FRMD4A: variants seen among roughly 807,000 people sequenced by gnomAD.
The protein encoded by FRMD4A is FERM domain containing 4A.
In FRMD4A, 29 loss-of-function variants were observed where a neutral mutation model predicts 129.1. That is an observed-to-expected ratio of 0.22 (90% CI 0.17 to 0.31). The LOEUF is 0.31. FRMD4A is among the 10% of genes least tolerant of loss of function. FRMD4A has a pLI of 1.00. For missense variants in FRMD4A, 1,272 were observed against 1,375.8 expected (o/e 0.92, Z 1.19); for synonymous variants, 634 against 571.6 (o/e 1.11, Z -1.56).
intron 2 of FRMD4A, among the ~76,000 whole-genome samples, chr10:14,087,209 A>G (rs1836333732): frequency 6.8e-6 from 1 of 147,988 alleles, no homozygotes; most frequent in East Asian, 1.9e-4. Flanking sequence ...TTATACACTT[A>G]TAGGATTATA....
intron 3 of FRMD4A, among the ~76,000 whole-genome samples, chr10:13,813,475 C>T (rs1485169639): frequency 2.0e-5 from 3 of 152,116 alleles, no homozygotes; most frequent in Non-Finnish European, 4.4e-5. Context: ...TACATATGCT[C>T]CTCGAATTAT....
intron 2 of FRMD4A, among the ~76,000 whole-genome samples, chr10:13,962,632 C>A (rs1375670620): frequency 3.3e-5 from 5 of 152,142 alleles, no homozygotes; most frequent in African/African-American, 1.2e-4. Flanking sequence ...TTAAGTAAAA[C>A]CCTGGCTGTT....
chr10:13,927,563 G>A (rs142839816), intron 2 of FRMD4A, among the ~76,000 whole-genome samples: 111 of 152,308 alleles, frequency 7.3e-4, no homozygotes, highest in South Asian at 2.9e-3. Flanking sequence ...GGAGCTGGGA[G>A]ATAATTTTAA....
intron 2 of FRMD4A, among the ~76,000 whole-genome samples, chr10:14,227,243 C>CTTTTTTTTTTTTTTTTTCTTTTTTTTTT (rs1843472907): frequency 1.6e-5 from 1 of 64,100 alleles, no homozygotes; most frequent in African/African-American, 6.2e-5. Context: ...TCTTCTTCTT[C>CTTTTTTTTTTTTTTTTTCTTTTTTTTTT]TTTTTTTTTT....
chr10:13,680,252 T>G (rs1183665803), intron 15 of FRMD4A, among the ~76,000 whole-genome samples: 1 of 147,862 alleles, frequency 6.8e-6, no homozygotes. Flanking sequence ...AAGCCAGGAG[T>G]ATGAGACCAG....
rs1272624549 is a variant in FRMD4A, at chr10:14,008,585, T to G, written c.46-149673A>C. On this transcript the variant is annotated intron_variant, in intron 2 of 24. Coordinates refer to ENST00000357447, the MANE Select transcript of FRMD4A (RefSeq NM_018027.5). ...AAGCTCTATCAGACGTATTATTCAT[T>G]CCATCACGTGACTCCCAAGCCCCTC... 4 of 847,484 alleles carry G rather than the reference T, an allele frequency of 4.7e-6. No individual in the cohort carries two copies. In the South Asian group the frequency reaches 1.6e-4, roughly 34 times the overall value. The allele number at this position is 847,484 out of a possible 1,614,324, so 52.5% of individuals were successfully genotyped here.
At chr10:14,007,007 AT>A (rs2095664565) in intron 2 of FRMD4A, among the ~76,000 whole-genome samples, 1 of 152,186 alleles carries the variant, frequency 6.6e-6, no homozygotes, top group East Asian at 1.9e-4. Flanking sequence ...CGACCTAAGT[AT>A]TTAGTTAGCC....
chr10:13,822,797 C>T (rs2093648931), intron 3 of FRMD4A, among the ~76,000 whole-genome samples: 1 of 152,112 alleles, frequency 6.6e-6, no homozygotes, highest in Non-Finnish European at 1.5e-5. Context: ...TATTCCCAAA[C>T]CCTATATCTG....
intron 2 of FRMD4A, among the ~76,000 whole-genome samples, chr10:13,982,004 C>A (rs1405816732): frequency 1.3e-5 from 2 of 152,270 alleles, no homozygotes; most frequent in African/African-American, 4.8e-5. Context: ...CTGACCTTTT[C>A]CCATCTCTGA....
At chr10:13,893,999 C>T (rs2094730093) in intron 2 of FRMD4A, among the ~76,000 whole-genome samples, 1 of 152,168 alleles carries the variant, frequency 6.6e-6, no homozygotes, top group Non-Finnish European at 1.5e-5. Context: ...CTCCCTCCTC[C>T]TCCCCAAAGC....
intron 17 of FRMD4A, among the ~76,000 whole-genome samples, chr10:13,668,900 C>T (rs1193670292): frequency 6.6e-6 from 1 of 152,086 alleles, no homozygotes; most frequent in Non-Finnish European, 1.5e-5. Flanking sequence ...TTTGAGACTG[C>T]ATCTCCCCTA....
chr10:13,739,278 TGCCTCTGGGAA>T lies in FRMD4A; in HGVS notation c.672+905_672+915del, dbSNP rs564305728. On this transcript the variant is annotated intron_variant, in intron 11 of 24. Transcript: ENST00000357447. ...GGATAAAATCCTTGTATTAAACCCCTGCCTCTGGGAAGCAGCTGTGTGCACTGCAACGGTTT... is the reference window on the plus strand; with the variant it reads ...GGATAAAATCCTTGTATTAAACCCCTGCAGCTGTGTGCACTGCAACGGTTT... Among the ~76,000 whole-genome samples the T allele has an allele frequency of 3.3e-5, 5 of 152,342 alleles. 1 individual carries two copies. The South Asian group carries it at 1.0e-3, about 32-fold the overall frequency.
intron 3 of FRMD4A, among the ~76,000 whole-genome samples, chr10:13,818,217 TG>T (rs1490740890): frequency 7.1e-6 from 1 of 140,998 alleles, no homozygotes; most frequent in Non-Finnish European, 1.5e-5. Context: ...CAGGCTGGAG[TG>T]CAGTGGTGCC....
At chr10:13,647,923 C>T (rs2081247329) in intron 24 of FRMD4A, 1 of 152,116 alleles carries the variant, frequency 6.6e-6, no homozygotes, top group Non-Finnish European at 1.5e-5. Flanking sequence ...TGCAACTGAT[C>T]TCCCCATGGG....
chr10:14,222,374 G>GC (rs1167338625), intron 2 of FRMD4A, among the ~76,000 whole-genome samples: 8 of 152,190 alleles, frequency 5.3e-5, no homozygotes, highest in Non-Finnish European at 1.2e-4. Flanking sequence ...GAAATGCGTA[G>GC]CCAAGCTTGG....
intron 2 of FRMD4A, chr10:13,891,566 G>A: frequency 2.0e-6 from 2 of 978,934 alleles, no homozygotes; most frequent in Non-Finnish European, 2.4e-6. Context: ...CACGGAAGGC[G>A]AAGGGCTGCC....
At chr10:14,032,735 C>T (rs541289553) in intron 2 of FRMD4A, among the ~76,000 whole-genome samples, 1 of 152,212 alleles carries the variant, frequency 6.6e-6, no homozygotes, top group African/African-American at 2.4e-5. Context: ...AGCATGGCAT[C>T]CCCTCACCCC....
intron 2 of FRMD4A, among the ~76,000 whole-genome samples, chr10:14,042,811 A>C (rs1276922906): frequency 6.6e-6 from 1 of 151,672 alleles, no homozygotes; most frequent in Non-Finnish European, 1.5e-5. Context: ...AAAAATACAA[A>C]AAAAATTAGG....
At chr10:13,660,250 C>T (rs1216679403) in intron 20 of FRMD4A, 66 bp downstream of exon 20, 23 of 1,007,854 alleles carry the variant, frequency 2.3e-5, no homozygotes, top group South Asian at 1.5e-4. Context: ...CTACTTGGGA[C>T]GGCCCTTTGA....
Sources: allele counts gnomAD v4.1 joint callset (sites outside exome capture counted in the v4.1 genomes callset), GRCh38; gene constraint gnomAD v4.1.1; transcripts MANE v1.5; gene names NCBI Gene and HGNC (gene_info 2026-07-23, HGNC 2026-07-21).